The following FBXO34 variants were observed in gnomAD, a reference collection of about 807,000 sequenced individuals.
FBXO34 encodes the protein F-box protein 34.
FBXO34 carries 12 observed loss-of-function variants against 24.5 expected under a neutral mutation model. The ratio of observed to expected loss-of-function variants is 0.49; its 90% CI spans 0.31 to 0.79. FBXO34 has a LOEUF of 0.79. Ranked by LOEUF, FBXO34 falls within the 30% of genes least tolerant of loss-of-function variation. FBXO34 has a pLI of 0.04. For missense variants in FBXO34, 823 were observed against 857.7 expected (o/e 0.96, Z 0.51); for synonymous variants, 320 against 311.9 (o/e 1.03, Z -0.27).
At chr14:55,358,747 G>A (rs1566572093) in intron 3 of FBXO34, among the ~76,000 whole-genome samples, 3 of 152,146 alleles carry the variant, frequency 2.0e-5, no homozygotes, top group African/African-American at 7.2e-5. Flanking sequence ...TAGTGGGCAG[G>A]GTAGTGGCTG....
At chr14:55,291,018 G>A (rs1881929865) in intron 1 of FBXO34, among the ~76,000 whole-genome samples, 2 of 151,874 alleles carry the variant, frequency 1.3e-5, no homozygotes, top group Non-Finnish European at 2.9e-5. Flanking sequence ...AGAGACAGGG[G>A]GTTTCACCAT....
chr14:55,294,233 G>A (rs988624277), intron 1 of FBXO34, among the ~76,000 whole-genome samples: 4 of 152,120 alleles, frequency 2.6e-5, no homozygotes, highest in Non-Finnish European at 4.4e-5. Context: ...CAGAATGTTA[G>A]TTCCTTGAGG....
chr14:55,403,676 C>T, the FBXO34 span, among the ~76,000 whole-genome samples: 1 of 151,858 alleles, frequency 6.6e-6, no homozygotes, highest in African/African-American at 2.4e-5. Flanking sequence ...GACAAAACAA[C>T]AACAACATCA....
chr14:55,319,300 T>A (rs1195384488), intron 1 of FBXO34, among the ~76,000 whole-genome samples: 2 of 152,360 alleles, frequency 1.3e-5, no homozygotes, highest in African/African-American at 4.8e-5. Flanking sequence ...GTACATGTGA[T>A]CGATTTTTAG....
the FBXO34 span, chr14:55,414,397 T>C: frequency 6.9e-6 from 11 of 1,605,782 alleles, no homozygotes; most frequent in Non-Finnish European, 9.3e-6. Context: ...TTTTAAAACC[T>C]TTTAGAATAG....
chr14:55,366,642 C>G (rs1594773066), downstream of FBXO34: 1 of 151,942 alleles, frequency 6.6e-6, no homozygotes, highest in South Asian at 2.1e-4. Flanking sequence ...CAAAACTTTT[C>G]TTATATTCCA....
chr14:55,333,076 T>C (rs376563522), intron 1 of FBXO34, among the ~76,000 whole-genome samples: 1 of 152,218 alleles, frequency 6.6e-6, no homozygotes, highest in African/African-American at 2.4e-5. Context: ...TCTAGTGGGC[T>C]ATTGTTAGCT....
intron 1 of FBXO34, among the ~76,000 whole-genome samples, chr14:55,320,534 G>A (rs1181130574): frequency 4.6e-5 from 7 of 152,178 alleles, no homozygotes; most frequent in African/African-American, 9.7e-5. Flanking sequence ...GGCAGATCAC[G>A]AGGTCAGGAG....
intron 1 of FBXO34, among the ~76,000 whole-genome samples, chr14:55,277,448 G>A (rs1427942683): frequency 6.6e-6 from 1 of 152,064 alleles, no homozygotes; most frequent in Non-Finnish European, 1.5e-5. Flanking sequence ...AGCCTCTTGA[G>A]TAGTTGGGTC....
the FBXO34 span, among the ~76,000 whole-genome samples, chr14:55,441,231 C>A: frequency 6.6e-6 from 1 of 152,144 alleles, no homozygotes. Context: ...TCACTGCAGC[C>A]TCGACCTCCT....
At chr14:55,369,406 CT>C (rs1477964598), downstream of FBXO34, 2 of 429,282 alleles carry the variant, frequency 4.7e-6, no homozygotes, top group East Asian at 3.5e-5. Flanking sequence ...CCTTCGACCC[CT>C]GTTCTCTTAA....
intron 1 of FBXO34, among the ~76,000 whole-genome samples, chr14:55,336,302 A>C (rs143885480): frequency 6.6e-6 from 1 of 152,312 alleles, no homozygotes; most frequent in East Asian, 1.9e-4. Flanking sequence ...ATGGGTGTAG[A>C]ATAGGGCAAG....
chr14:55,403,967 G>T, the FBXO34 span, among the ~76,000 whole-genome samples: 1 of 152,136 alleles, frequency 6.6e-6, no homozygotes, highest in Non-Finnish European at 1.5e-5. Context: ...CTTGTTTGAA[G>T]AAAATATCCA....
rs573705868 is a variant in FBXO34 at position 55,289,325 on chromosome 14, A to C, written c.-11+17788A>C. ...ATCTGCATATACCAAAATTTCAAAA[A>C]AGTTTGTATATTTTAGTAGGATGGA... On this transcript the variant is annotated intron_variant, in intron 1 of 1. Transcript: ENST00000313833. 5.4e-3 allele frequency among the ~76,000 whole-genome samples: 818 copies of C among 152,268 alleles called. 8 individuals carry two copies. Among genetic ancestry groups the C allele is most frequent in the African/African-American group, 0.019 (779 of 41,550 alleles).
the FBXO34 span, chr14:55,414,404 A>G: frequency 6.8e-6 from 11 of 1,607,490 alleles, no homozygotes; most frequent in Non-Finnish European, 9.3e-6. Flanking sequence ...ACCTTTTAGA[A>G]TAGGATAGAT....
chr14:55,296,391 G>GTTTTGTTT (rs1338074763), intron 1 of FBXO34, among the ~76,000 whole-genome samples: 1 of 64,764 alleles, frequency 1.5e-5, no homozygotes, highest in African/African-American at 5.7e-5. Flanking sequence ...TGTTTTTTTT[G>GTTTTGTTT]TTTTTTTTTT....
rs1461439599 is a variant in FBXO34 at position 55,353,439 on chromosome 14, G to A, written c.*913G>A. 6.0e-6 allele frequency: 1 copy of A among 166,888 alleles called. No homozygotes were observed. Among genetic ancestry groups the A allele is most frequent in the Non-Finnish European group, 1.5e-5 (1 of 68,066 alleles). The allele number at this position is 166,888 out of a possible 1,614,324, so 10.3% of individuals were successfully genotyped here. A position where few individuals can be genotyped will look rare whatever the true frequency, so the allele number is the denominator to read the frequency against. The stretch of plus-strand genomic sequence containing the variant: ...CCTGCTCAAAGGATACCAAATAATG[G>A]TTTAACTGGACAACCTGAAAATTAG... On this transcript the variant is annotated 3_prime_UTR_variant, in exon 2 of 2. Transcript: ENST00000313833.
chr14:55,318,246 G>C (rs1882999658), intron 1 of FBXO34: 1 of 148,470 alleles, frequency 6.7e-6, no homozygotes, highest in Admixed American at 6.8e-5. Flanking sequence ...CAGAAGTCTG[G>C]GACATAATTC....
chr14:55,343,565 TATAA>T (rs1408726145), intron 1 of FBXO34, among the ~76,000 whole-genome samples: 4 of 152,330 alleles, frequency 2.6e-5, no homozygotes, highest in African/African-American at 9.6e-5. Context: ...CTCCGATTTT[TATAA>T]ATAAAGAGTG....
Sources: gnomAD v4.1 joint callset for allele counts (sites outside exome capture counted in the v4.1 genomes callset) on GRCh38, gnomAD v4.1.1 for gene constraint, MANE v1.5 for transcripts, NCBI Gene and HGNC (gene_info 2026-07-23, HGNC 2026-07-21) for gene names.